Variants in ELK3 observed in about 807,000 individuals in gnomAD.
ELK3 encodes ETS transcription factor ELK3.
In ELK3, 10 loss-of-function variants were observed where a neutral mutation model predicts 28.9. The ratio of observed to expected loss-of-function variants is 0.35; its 90% CI spans 0.21 to 0.59. The LOEUF is 0.59. ELK3 is among the 20% of genes least tolerant of loss of function. ELK3 has a pLI of 0.82. For synonymous variants in ELK3, 272 were observed against 243.5 expected (o/e 1.12, Z -1.09); for missense variants, 463 against 517.3 (o/e 0.90, Z 1.02).
At chr12:96,239,280 G>T (rs2137027706) in intron 2 of ELK3, among the ~76,000 whole-genome samples, 1 of 152,116 alleles carries the variant, frequency 6.6e-6, no homozygotes, top group Non-Finnish European at 1.5e-5. Context: ...ATATGCAATA[G>T]AACATTTTTA....
intron 1 of ELK3, among the ~76,000 whole-genome samples, chr12:96,201,804 A>C (rs1052786904): frequency 1.3e-5 from 2 of 152,042 alleles, no homozygotes; most frequent in South Asian, 4.2e-4. Flanking sequence ...GAAAAGGGGG[A>C]TCTCCATAAG....
chr12:96,214,221 A>G (rs1357298168), intron 1 of ELK3, among the ~76,000 whole-genome samples: 1 of 152,140 alleles, frequency 6.6e-6, no homozygotes, highest in Non-Finnish European at 1.5e-5. Flanking sequence ...ACCTGAGGTC[A>G]GGAGTTTGAG....
At chr12:96,197,066 T>C (rs1436478953) in intron 1 of ELK3, among the ~76,000 whole-genome samples, 1 of 152,148 alleles carries the variant, frequency 6.6e-6, no homozygotes, top group Non-Finnish European at 1.5e-5. Context: ...GAAAAAAGAC[T>C]TACGAGATCT....
intron 3 of ELK3, among the ~76,000 whole-genome samples, chr12:96,257,428 A>C (rs1257545084): frequency 6.6e-6 from 1 of 152,244 alleles, no homozygotes; most frequent in African/African-American, 2.4e-5. Context: ...CTGTATTCCT[A>C]AGAAACAAAT....
At chr12:96,216,165 T>G (rs1463866315) in intron 1 of ELK3, among the ~76,000 whole-genome samples, 1 of 152,182 alleles carries the variant, frequency 6.6e-6, no homozygotes, top group Non-Finnish European at 1.5e-5. Context: ...CATTGTCCCT[T>G]GGCTTGTCAT....
Position 96,247,494 on chromosome 12 carries a change from T to G in ELK3, c.762T>G (p.Ser254=), listed in dbSNP as rs762616116. The change falls in exon 3 of 5, where the codon TCT becomes TCG. Residue 254 remains serine (S), a synonymous_variant. Coordinates refer to ENST00000228741, the MANE Select transcript of ELK3 (RefSeq NM_005230.4). The surrounding 1 kb of genome is among the most constrained non-coding windows in gnomAD (Gnocchi z 5.5). The part of the protein sequence containing the change: ...PSLSPNSPLP[S]EHRSLFLEAA... ...TGTCCCCCAACTCACCCCTCCCTTC[T>G]GAACACAGAAGCCTCTTCCTGGAGG... 5 of 1,613,882 alleles carry G rather than the reference T, an allele frequency of 3.1e-6. No homozygotes were observed. Among genetic ancestry groups the G allele is most frequent in the Non-Finnish European group, 4.2e-6 (5 of 1,180,010 alleles).
intron 1 of ELK3, among the ~76,000 whole-genome samples, chr12:96,197,364 G>C (rs1455542534): frequency 1.3e-5 from 2 of 152,068 alleles, no homozygotes; most frequent in Non-Finnish European, 2.9e-5. Flanking sequence ...GCACAAGAAA[G>C]AATTTTTTTT....
At chr12:96,203,306 T>C (rs904038235) in intron 1 of ELK3, among the ~76,000 whole-genome samples, 5 of 152,246 alleles carry the variant, frequency 3.3e-5, no homozygotes, top group Non-Finnish European at 7.3e-5. Flanking sequence ...CCTCATGATC[T>C]GAAGTTACTG....
intron 3 of ELK3, among the ~76,000 whole-genome samples, chr12:96,250,900 G>A (rs1951900279): frequency 6.6e-6 from 1 of 152,182 alleles, no homozygotes; most frequent in Non-Finnish European, 1.5e-5. Context: ...CTAGAATCAT[G>A]GCAGGAAGAA....
At chr12:96,260,702 G>T (rs544933658) in intron 4 of ELK3, among the ~76,000 whole-genome samples, 76 of 152,302 alleles carry the variant, frequency 5.0e-4, no homozygotes, top group African/African-American at 1.6e-3. Context: ...TTGAGTGCAG[G>T]TGGAAAGAAT....
intron 3 of ELK3, among the ~76,000 whole-genome samples, chr12:96,248,368 G>C (rs1951875643): frequency 6.6e-6 from 1 of 152,232 alleles, no homozygotes; most frequent in South Asian, 2.1e-4. Flanking sequence ...AGAGAAAGCA[G>C]CCTTTTCCTT....
intron 2 of ELK3, among the ~76,000 whole-genome samples, chr12:96,231,632 A>ATAGGCGCACACCACCATGCC (rs1490507503): frequency 5.3e-5 from 8 of 152,166 alleles, no homozygotes; most frequent in Non-Finnish European, 1.2e-4. Context: ...AGCTGGGATT[A>ATAGGCGCACACCACCATGCC]CAGGTGCGTC....
intron 2 of ELK3, among the ~76,000 whole-genome samples, chr12:96,243,343 TATC>T (rs1951834083): frequency 6.6e-6 from 1 of 152,224 alleles, no homozygotes; most frequent in African/African-American, 2.4e-5. Flanking sequence ...TTTGTATAGA[TATC>T]ATGATTCTGG....
intron 1 of ELK3, among the ~76,000 whole-genome samples, chr12:96,196,037 G>A (rs2136995102): frequency 6.6e-6 from 1 of 152,180 alleles, no homozygotes; most frequent in Admixed American, 6.5e-5. Flanking sequence ...GCTGCTGCAG[G>A]GGGAAAAAGT....
At chr12:96,206,363 C>G (rs1951538392) in intron 1 of ELK3, among the ~76,000 whole-genome samples, 1 of 151,690 alleles carries the variant, frequency 6.6e-6, no homozygotes, top group Non-Finnish European at 1.5e-5. Context: ...GTTGTCCAGG[C>G]TGGAGCGCAG....
At chr12:96,262,066 T>C (rs1167696672) in intron 4 of ELK3, among the ~76,000 whole-genome samples, 1 of 150,022 alleles carries the variant, frequency 6.7e-6, no homozygotes, top group African/African-American at 2.5e-5. Context: ...TTGCCCAGGC[T>C]GGAGTGCAGT....
intron 1 of ELK3, chr12:96,212,608 G>A (rs987347680): frequency 6.6e-6 from 1 of 152,204 alleles, no homozygotes; most frequent in Non-Finnish European, 1.5e-5. Flanking sequence ...TAACCAAGCA[G>A]CTCTAATGAA....
At position 96,252,909 on chromosome 12, in the gene ELK3, T is replaced by C. The variant is rs548597187; in HGVS notation, c.1002+5175T>C. Reference sequence around the variant, plus strand: ...ACTCCAATTTTGAAAGAAGTTCTACTCTGGGTAAAATGCTATCAAACAGCA... The same window carrying C: ...ACTCCAATTTTGAAAGAAGTTCTACCCTGGGTAAAATGCTATCAAACAGCA... On this transcript the variant is annotated intron_variant, in intron 3 of 4. Coordinates refer to ENST00000228741, the MANE Select transcript of ELK3 (RefSeq NM_005230.4). Among the ~76,000 whole-genome samples, 343 of 152,364 alleles carry C rather than the reference T, an allele frequency of 2.3e-3. 1 individual carries two copies. The highest frequency in any genetic ancestry group is 5.9e-3 in the Admixed American group (90 of 15,308).
At chr12:96,244,378 A>G (rs909992485) in intron 2 of ELK3, among the ~76,000 whole-genome samples, 1 of 151,148 alleles carries the variant, frequency 6.6e-6, no homozygotes, top group East Asian at 1.9e-4. Flanking sequence ...GCCCTTGGTT[A>G]TTTCTTGATG....
Sources: gnomAD v4.1 joint callset for allele counts (sites outside exome capture counted in the v4.1 genomes callset) on GRCh38, gnomAD v4.1.1 for gene constraint, Gnocchi (gnomAD v3.1) non-coding constraint, MANE v1.5 for transcripts, NCBI Gene and HGNC (gene_info 2026-07-23, HGNC 2026-07-21) for gene names.